The following UGT1A10 variants were observed in gnomAD, a reference collection of about 807,000 sequenced individuals.
UGT1A10 encodes UDP glucuronosyltransferase family 1 member A10, also known as UDP-glucuronosyltransferase 1A10.
In UGT1A10, 49 loss-of-function variants were observed where a neutral mutation model predicts 45.8. The observed-to-expected ratio is 1.07, with a 90% CI of 0.85 to 1.36. The LOEUF (loss-of-function observed/expected upper bound fraction) is 1.36. Among genes scored for constraint, UGT1A10 ranks in the 40% most tolerant of loss-of-function variants. The pLI is 0.00. For missense variants in UGT1A10, 745 were observed against 668.6 expected (o/e 1.11, Z -1.26); for synonymous variants, 284 against 249.7 (o/e 1.14, Z -1.29).
chr2:233,709,798 C>A (rs2076093019), intron 1 of UGT1A10, among the ~76,000 whole-genome samples: 1 of 152,132 alleles, frequency 6.6e-6, no homozygotes, highest in African/African-American at 2.4e-5. Context: ...TTTAATGATA[C>A]ATTTCTGAGT....
intron 1 of UGT1A10, chr2:233,713,411 C>T: frequency 6.2e-7 from 1 of 1,614,112 alleles, no homozygotes; most frequent in South Asian, 1.1e-5. Context: ...TGATCAGGCA[C>T]CTGCATGCTA....
chr2:233,739,782 C>T (rs1351387026), intron 1 of UGT1A10, among the ~76,000 whole-genome samples: 1 of 152,030 alleles, frequency 6.6e-6, no homozygotes, highest in Non-Finnish European at 1.5e-5. Context: ...TGAGTTAAGA[C>T]TTTGGAGGAC....
At position 233,693,225 on chromosome 2, in the gene UGT1A10, C is replaced by A. The variant is rs750266528; in HGVS notation, c.855+55848C>A. 6 of 1,614,160 alleles carry A rather than the reference C, an allele frequency of 3.7e-6. No individual in the cohort carries two copies. In the South Asian group the frequency reaches 6.6e-5, roughly 18 times the overall value. ...CTTTTGAAAGAATCCAAATACTACA[C>A]AAGAAAAATCTATCCAGTGCCGTAT... is the stretch of plus-strand genomic sequence containing the variant. On this transcript the variant is annotated intron_variant, in intron 1 of 4. Coordinates refer to ENST00000344644, the MANE Select transcript of UGT1A10 (RefSeq NM_019075.4).
intron 1 of UGT1A10, chr2:233,754,360 T>C (rs1695458970): frequency 2.1e-5 from 6 of 282,296 alleles, no homozygotes; most frequent in South Asian, 1.9e-4. Flanking sequence ...CATACAGATA[T>C]TTACAATGAT....
At chr2:233,681,885 T>C (rs1285275960) in intron 1 of UGT1A10, 5 of 1,561,674 alleles carry the variant, frequency 3.2e-6, no homozygotes, top group African/African-American at 1.4e-5. Flanking sequence ...TTCCACTTAC[T>C]ATATTATAGG....
intron 1 of UGT1A10, among the ~76,000 whole-genome samples, chr2:233,661,606 A>C (rs1330316154): frequency 7.7e-6 from 1 of 129,828 alleles, no homozygotes; most frequent in African/African-American, 2.7e-5. Flanking sequence ...GCATCACTGC[A>C]GTGAAGACTT....
intron 1 of UGT1A10, among the ~76,000 whole-genome samples, chr2:233,759,591 C>A (rs984696431): frequency 4.1e-5 from 6 of 147,100 alleles, no homozygotes; most frequent in East Asian, 4.1e-4. Context: ...GCACGCCCCC[C>A]ACCCCCGACC....
At chr2:233,661,623 T>TTTTCTTTCTTTCCTTTC (rs2073965685) in intron 1 of UGT1A10, among the ~76,000 whole-genome samples, 1 of 123,952 alleles carries the variant, frequency 8.1e-6, no homozygotes, top group Non-Finnish European at 1.7e-5. Flanking sequence ...ACTTACTGAA[T>TTTTCTTTCTTTCCTTTC]TTTCTTTCTT....
chr2:233,688,149 G>T (rs975750928), intron 1 of UGT1A10, among the ~76,000 whole-genome samples: 1 of 152,048 alleles, frequency 6.6e-6, no homozygotes, highest in Non-Finnish European at 1.5e-5. Flanking sequence ...GTATGGATTT[G>T]CCTATTCTGG....
At chr2:233,733,976 G>A (rs1421347211) in intron 1 of UGT1A10, among the ~76,000 whole-genome samples, 2 of 152,086 alleles carry the variant, frequency 1.3e-5, no homozygotes, top group Non-Finnish European at 2.9e-5. Context: ...GGAGCGGGGA[G>A]GGATAGCATT....
rs1700524777 is a variant in UGT1A10, at chr2:233,772,469, C to T, written c.1503C>T (p.Phe501=). ...FLLAVVLTVA[F]ITFKCCAYGY... ...TGGCCGTCGTGCTGACAGTGGCCTTCATCACCTTTAAATGTTGTGCTTATG... is the reference window on the plus strand; with the variant it reads ...TGGCCGTCGTGCTGACAGTGGCCTTTATCACCTTTAAATGTTGTGCTTATG... Residue 501 remains phenylalanine (F), a synonymous_variant, in exon 5 of 5, where the codon TTC becomes TTT. Coordinates refer to ENST00000344644, the MANE Select transcript of UGT1A10 (RefSeq NM_019075.4). 12 of 1,614,144 alleles carry T rather than the reference C, an allele frequency of 7.4e-6. No homozygotes were observed. The highest frequency in any genetic ancestry group is 1.0e-5 in the Non-Finnish European group (12 of 1,180,034).
At chr2:233,674,100 A>C (rs879388307) in intron 1 of UGT1A10, among the ~76,000 whole-genome samples, 368 of 152,276 alleles carry the variant, frequency 2.4e-3, no homozygotes, top group Non-Finnish European at 4.6e-3. Flanking sequence ...TTTTGGAGGG[A>C]TGGAGTATAC....
intron 1 of UGT1A10, among the ~76,000 whole-genome samples, chr2:233,662,033 A>G (rs2073981512): frequency 6.6e-6 from 1 of 152,142 alleles, no homozygotes; most frequent in Non-Finnish European, 1.5e-5. Context: ...ACTCCCTGCA[A>G]TAGCAACAGG....
chr2:233,664,735 A>G (rs566817851), intron 1 of UGT1A10, among the ~76,000 whole-genome samples: 1 of 152,230 alleles, frequency 6.6e-6, no homozygotes, highest in African/African-American at 2.4e-5. Context: ...ACCAGGCCCC[A>G]CCTCCAACAT....
chr2:233,637,967 T>C (rs536803669), intron 1 of UGT1A10, among the ~76,000 whole-genome samples: 16 of 152,280 alleles, frequency 1.1e-4, no homozygotes, highest in African/African-American at 2.4e-4. Flanking sequence ...CCAATTAATA[T>C]TGATATATAT....
chr2:233,671,957 G>GC (rs747116611), intron 1 of UGT1A10: 1 of 1,613,220 alleles, frequency 6.2e-7, no homozygotes, highest in African/African-American at 1.3e-5. Context: ...GGGTGGACCA[G>GC]CCCCCTTCCT....
At chr2:233,645,281 G>A (rs1357370732) in intron 1 of UGT1A10, among the ~76,000 whole-genome samples, 1 of 152,142 alleles carries the variant, frequency 6.6e-6, no homozygotes, top group Non-Finnish European at 1.5e-5. Flanking sequence ...ACAACAGTGG[G>A]AATTGTGGGA....
chr2:233,719,744 T>C, intron 1 of UGT1A10: 2 of 1,612,994 alleles, frequency 1.2e-6, no homozygotes, highest in South Asian at 1.1e-5. Context: ...TTTTAAAAAA[T>C]GTATTTACTT....
intron 1 of UGT1A10, among the ~76,000 whole-genome samples, chr2:233,704,015 C>T (rs547838967): frequency 2.0e-5 from 3 of 152,086 alleles, no homozygotes; most frequent in Admixed American, 6.5e-5. Flanking sequence ...CTCAGCCGCC[C>T]GAGCAGCTGG....
Sources: allele counts gnomAD v4.1 joint callset (sites outside exome capture counted in the v4.1 genomes callset), GRCh38; gene constraint gnomAD v4.1.1; transcripts MANE v1.5; gene names NCBI Gene and HGNC (gene_info 2026-07-23, HGNC 2026-07-21).